Variants in MCTP1 observed in about 807,000 individuals in gnomAD.
MCTP1 encodes the protein multiple C2 and transmembrane domain-containing protein 1.
In MCTP1, 69 loss-of-function variants were observed where a neutral mutation model predicts 120.6. That is an observed-to-expected ratio of 0.57 (90% CI 0.47 to 0.70). The LOEUF (loss-of-function observed/expected upper bound fraction) is 0.70, where lower values mean the gene tolerates loss of function less well. Among genes scored for constraint, MCTP1 ranks in the 30% least tolerant of loss-of-function variants. The pLI is 0.00. For synonymous variants in MCTP1, 529 were observed against 493.1 expected (o/e 1.07, Z -0.96); for missense variants, 1,203 against 1,248.8 (o/e 0.96, Z 0.55).
chr5:95,223,219 T>G (rs1753879692), intron 1 of MCTP1, among the ~76,000 whole-genome samples: 1 of 152,100 alleles, frequency 6.6e-6, no homozygotes, highest in Non-Finnish European at 1.5e-5. Flanking sequence ...TGGGAGGCCA[T>G]GGTGAGTGGA....
intron 1 of MCTP1, among the ~76,000 whole-genome samples, chr5:95,076,045 A>T (rs1435477725): frequency 1.3e-5 from 2 of 152,348 alleles, no homozygotes; most frequent in East Asian, 3.8e-4. Flanking sequence ...CGCCTGAAAC[A>T]GTGGATTGTA....
At chr5:94,985,746 G>T (rs1169883218) in intron 2 of MCTP1, among the ~76,000 whole-genome samples, 1 of 152,134 alleles carries the variant, frequency 6.6e-6, no homozygotes, top group Non-Finnish European at 1.5e-5. Context: ...AAAACATATA[G>T]AGACTAAGTG....
intron 1 of MCTP1, among the ~76,000 whole-genome samples, chr5:95,274,432 C>T (rs1383429437): frequency 2.0e-5 from 3 of 152,158 alleles, no homozygotes; most frequent in African/African-American, 7.2e-5. Flanking sequence ...AGACCTCCCT[C>T]CCATGGCCTG....
intron 1 of MCTP1, among the ~76,000 whole-genome samples, chr5:95,175,578 C>T (rs1052490301): frequency 5.9e-5 from 9 of 152,192 alleles, no homozygotes; most frequent in African/African-American, 2.2e-4. Context: ...AACCCTGACT[C>T]CCATAACAGA....
At chr5:95,060,149 G>A (rs1748553739) in intron 1 of MCTP1, among the ~76,000 whole-genome samples, 1 of 149,116 alleles carries the variant, frequency 6.7e-6, no homozygotes, top group African/African-American at 2.5e-5. Flanking sequence ...TAGTATGATA[G>A]TCTCTAGAGC....
At chr5:95,060,956 A>G (rs1459020405) in intron 1 of MCTP1, among the ~76,000 whole-genome samples, 2 of 146,884 alleles carry the variant, frequency 1.4e-5, no homozygotes, top group Non-Finnish European at 3.0e-5. Context: ...AAAAAAAAAG[A>G]AAAGAAAAGA....
At chr5:94,894,458 C>A (rs1448978734) in intron 11 of MCTP1, among the ~76,000 whole-genome samples, 191 bp downstream of exon 11, 1 of 152,194 alleles carries the variant, frequency 6.6e-6, no homozygotes, top group Non-Finnish European at 1.5e-5. Context: ...AAGATCAAGT[C>A]TCTAGACATG....
chr5:94,747,279 T>C (rs1205725494), intron 19 of MCTP1, among the ~76,000 whole-genome samples: 1 of 152,232 alleles, frequency 6.6e-6, no homozygotes, highest in Non-Finnish European at 1.5e-5. Context: ...TATATAATTA[T>C]ATGTTACCTA....
chr5:95,230,000 A>G (rs918740908), intron 1 of MCTP1, among the ~76,000 whole-genome samples: 2 of 152,008 alleles, frequency 1.3e-5, no homozygotes, highest in African/African-American at 4.8e-5. Flanking sequence ...CATAATGGAG[A>G]AGAAAAGGAG....
intron 1 of MCTP1, among the ~76,000 whole-genome samples, chr5:95,021,663 A>G (rs1468722497): frequency 6.6e-6 from 1 of 151,988 alleles, no homozygotes. Flanking sequence ...CTGACTTTAT[A>G]TTCTGTCACT....
chr5:95,228,873 T>A (rs191721963), intron 1 of MCTP1, among the ~76,000 whole-genome samples: 1 of 152,148 alleles, frequency 6.6e-6, no homozygotes, highest in Non-Finnish European at 1.5e-5. Flanking sequence ...TATGATTATG[T>A]TTCCTGAGGC....
intron 8 of MCTP1, among the ~76,000 whole-genome samples, chr5:94,916,631 A>T (rs1324027414): frequency 6.6e-6 from 1 of 152,236 alleles, no homozygotes; most frequent in East Asian, 1.9e-4. Flanking sequence ...TGAAATTCTG[A>T]TGCTCTCCAA....
intron 2 of MCTP1, among the ~76,000 whole-genome samples, chr5:94,986,777 C>G (rs574529738): frequency 6.6e-6 from 1 of 152,224 alleles, no homozygotes; most frequent in South Asian, 2.1e-4. Flanking sequence ...TCCCAAAGTG[C>G]TGGGATTACA....
At chr5:95,086,606 C>A (rs1392992176) in intron 1 of MCTP1, among the ~76,000 whole-genome samples, 1 of 152,144 alleles carries the variant, frequency 6.6e-6, no homozygotes, top group Non-Finnish European at 1.5e-5. Flanking sequence ...CTTCTCAAGT[C>A]AATCTATTTT....
At chr5:94,799,160 G>T in intron 17 of MCTP1, 28 bp from the exon 18 acceptor site, 1 of 1,594,888 alleles carries the variant, frequency 6.3e-7, no homozygotes, top group Non-Finnish European at 8.5e-7. Flanking sequence ...GAGAAGAAGG[G>T]ATGAGTCAAC....
At chr5:94,887,794 T>C (rs1180710819) in intron 12 of MCTP1, among the ~76,000 whole-genome samples, 1 of 152,202 alleles carries the variant, frequency 6.6e-6, no homozygotes, top group Non-Finnish European at 1.5e-5. Flanking sequence ...GGTCACTTAA[T>C]AGGCAAATAT....
At chr5:95,155,065 A>T (rs935574580) in intron 1 of MCTP1, among the ~76,000 whole-genome samples, 10 of 152,332 alleles carry the variant, frequency 6.6e-5, no homozygotes, top group African/African-American at 2.4e-4. Flanking sequence ...TTAAGAATAT[A>T]AATACATCAA....
chr5:94,956,586 G>A (rs1425200967), intron 2 of MCTP1, among the ~76,000 whole-genome samples: 1 of 152,154 alleles, frequency 6.6e-6, no homozygotes, highest in African/African-American at 2.4e-5. Context: ...ACCTGATGGA[G>A]CTGAAAAACA....
chr5:95,172,160 T>G (rs1286416151), intron 1 of MCTP1, among the ~76,000 whole-genome samples: 2 of 152,218 alleles, frequency 1.3e-5, no homozygotes, highest in African/African-American at 4.8e-5. Context: ...CTGTTGGAGT[T>G]TGCTGGAGGT....
Sources: allele counts gnomAD v4.1 joint callset (sites outside exome capture counted in the v4.1 genomes callset), GRCh38; gene constraint gnomAD v4.1.1; transcripts MANE v1.5; gene names NCBI Gene and HGNC (gene_info 2026-07-23, HGNC 2026-07-21).